The following GPC6 variants were observed in gnomAD, a reference collection of about 807,000 sequenced individuals.
GPC6 encodes the protein glypican 6.
GPC6 carries 14 observed loss-of-function variants against 55.2 expected under a neutral mutation model. The ratio of observed to expected loss-of-function variants is 0.25; its 90% confidence interval spans 0.17 to 0.40. GPC6 has a LOEUF of 0.40. GPC6 is among the 10% of genes least tolerant of loss of function. The pLI, the probability that GPC6 is intolerant of heterozygous loss-of-function variation, is 1.00. For synonymous variants in GPC6, 278 were observed against 259.6 expected (o/e 1.07, Z -0.68); for missense variants, 641 against 708.5 (o/e 0.90, Z 1.08).
At chr13:93,523,162 TAC>T (rs1881493377) in intron 1 of GPC6, among the ~76,000 whole-genome samples, 2 of 148,746 alleles carry the variant, frequency 1.3e-5, no homozygotes, top group South Asian at 4.3e-4. Context: ...TCCATATATG[TAC>T]ATATATACAC....
intron 1 of GPC6, among the ~76,000 whole-genome samples, chr13:93,349,608 G>T (rs1880559220): frequency 6.6e-6 from 1 of 152,134 alleles, no homozygotes; most frequent in Non-Finnish European, 1.5e-5. Context: ...GAAAGTTTCA[G>T]TTAAATCTTT....
intron 1 of GPC6, among the ~76,000 whole-genome samples, chr13:93,343,221 A>G (rs1382934542): frequency 6.6e-6 from 1 of 150,448 alleles, no homozygotes; most frequent in South Asian, 2.1e-4. Flanking sequence ...AAGACAGTTC[A>G]TTTACATAAC....
chr13:93,726,352 G>A (rs1010683624), intron 2 of GPC6, among the ~76,000 whole-genome samples: 4 of 151,744 alleles, frequency 2.6e-5, no homozygotes, highest in Non-Finnish European at 5.9e-5. Flanking sequence ...CATAAAATTG[G>A]CTTCAAGTTT....
intron 4 of GPC6, among the ~76,000 whole-genome samples, chr13:94,039,196 A>C (rs1883444098): frequency 6.6e-6 from 1 of 151,966 alleles, no homozygotes; most frequent in African/African-American, 2.4e-5. Context: ...TGGACAGTGG[A>C]AGCTTTAAAA....
intron 6 of GPC6, among the ~76,000 whole-genome samples, chr13:94,370,690 T>G (rs1038768486): frequency 1.3e-5 from 2 of 152,220 alleles, no homozygotes; most frequent in Non-Finnish European, 2.9e-5. Flanking sequence ...CCCTGTGCTA[T>G]AGACTGGCGA....
chr13:93,728,118 A>G (rs1364070564), intron 2 of GPC6, among the ~76,000 whole-genome samples: 1 of 151,624 alleles, frequency 6.6e-6, no homozygotes, highest in Non-Finnish European at 1.5e-5. Flanking sequence ...AAATTATTGC[A>G]CTCTCATTTC....
At chr13:94,092,653 G>A (rs557559460) in intron 4 of GPC6, among the ~76,000 whole-genome samples, 20 of 152,146 alleles carry the variant, frequency 1.3e-4, no homozygotes, top group African/African-American at 4.6e-4. Context: ...ACCTAGAACC[G>A]GGATTGCTAA....
chr13:94,133,408 C>G (rs1365733477), intron 4 of GPC6, among the ~76,000 whole-genome samples: 3 of 150,914 alleles, frequency 2.0e-5, no homozygotes, highest in Non-Finnish European at 2.9e-5. Context: ...GACTTAAAAA[C>G]TTCCCACTTA....
intron 2 of GPC6, among the ~76,000 whole-genome samples, chr13:93,727,321 T>C (rs1290137306): frequency 6.6e-6 from 1 of 152,150 alleles, no homozygotes; most frequent in African/African-American, 2.4e-5. Flanking sequence ...CTACAGAATA[T>C]TGCATTTTTC....
At chr13:93,359,737 G>A (rs974990173) in intron 1 of GPC6, among the ~76,000 whole-genome samples, 9 of 152,172 alleles carry the variant, frequency 5.9e-5, no homozygotes, top group African/African-American at 1.9e-4. Context: ...TGAGACAGAG[G>A]TTATTGGCCA....
chr13:93,349,436 A>G (rs1880550194), intron 1 of GPC6, among the ~76,000 whole-genome samples: 1 of 152,146 alleles, frequency 6.6e-6, no homozygotes, highest in Non-Finnish European at 1.5e-5. Flanking sequence ...TGCAGGCTAC[A>G]CTAAATGTTG....
intron 1 of GPC6, among the ~76,000 whole-genome samples, chr13:93,500,805 G>A (rs17267815): frequency 0.44 from 67,404 of 151,904 alleles, 16,229 homozygotes; most frequent in Middle Eastern, 0.59. Context: ...CATTAAGTTT[G>A]TAACAGCAAT....
intron 3 of GPC6, among the ~76,000 whole-genome samples, chr13:93,948,714 G>T (rs1879121406): frequency 6.6e-6 from 1 of 152,070 alleles, no homozygotes; most frequent in African/African-American, 2.4e-5. Flanking sequence ...AGTGTGTGAG[G>T]CAATAAATGT....
intron 4 of GPC6, among the ~76,000 whole-genome samples, chr13:94,245,346 G>C (rs1312814412): frequency 6.6e-6 from 1 of 151,770 alleles, no homozygotes; most frequent in Non-Finnish European, 1.5e-5. Context: ...ATTTCATGAG[G>C]TGAGGAGTTT....
At chr13:94,236,038 TG>T (rs1193324294) in intron 4 of GPC6, among the ~76,000 whole-genome samples, 1 of 152,218 alleles carries the variant, frequency 6.6e-6, no homozygotes, top group Non-Finnish European at 1.5e-5. Context: ...AGCCCCTGGC[TG>T]CTTCTTATTA....
At chr13:94,297,304 G>A (rs1875393595) in intron 5 of GPC6, among the ~76,000 whole-genome samples, 2 of 152,118 alleles carry the variant, frequency 1.3e-5, no homozygotes, top group Non-Finnish European at 2.9e-5. Flanking sequence ...AATCGTAGGT[G>A]GAAGGAATGG....
At chr13:94,342,825 C>CTAGGA (rs1450644930) in intron 6 of GPC6, among the ~76,000 whole-genome samples, 2 of 152,122 alleles carry the variant, frequency 1.3e-5, no homozygotes, top group South Asian at 4.1e-4. Context: ...GTAAGCCCAT[C>CTAGGA]CTCAGTCCTA....
At chr13:93,822,694 G>C (rs996166307) in intron 2 of GPC6, among the ~76,000 whole-genome samples, 1 of 151,258 alleles carries the variant, frequency 6.6e-6, no homozygotes, top group Non-Finnish European at 1.5e-5. Context: ...TGAACATGCA[G>C]TGTTTGGTTT....
chr13:93,470,581 T>A (rs1029954021), intron 1 of GPC6, among the ~76,000 whole-genome samples: 1 of 152,174 alleles, frequency 6.6e-6, no homozygotes, highest in Non-Finnish European at 1.5e-5. Context: ...TATAGTTTAC[T>A]TTTTTGTTCT....
Sources: allele counts gnomAD v4.1 joint callset (sites outside exome capture counted in the v4.1 genomes callset), GRCh38; gene constraint gnomAD v4.1.1; transcripts MANE v1.5; gene names NCBI Gene and HGNC (gene_info 2026-07-23, HGNC 2026-07-21).